Variants in DCC observed in about 807,000 individuals in gnomAD.
DCC encodes DCC netrin 1 receptor.
Under a neutral mutation model 172.5 loss-of-function variants are expected in DCC, and 58 were observed. The observed-to-expected ratio is 0.34, with a 90% confidence interval of 0.27 to 0.42. The LOEUF is 0.42. Among genes scored for constraint, DCC ranks in the 10% least tolerant of loss-of-function variants. The probability of loss-of-function intolerance (pLI) is 1.00; values close to 1 mark genes in which losing one functional copy is unlikely to be tolerated. For missense variants in DCC, 1,740 were observed against 1,791.0 expected (o/e 0.97, Z 0.51); for synonymous variants, 709 against 644.5 (o/e 1.10, Z -1.52).
intron 5 of DCC, among the ~76,000 whole-genome samples, chr18:53,056,261 A>C (rs900827242): frequency 6.6e-6 from 1 of 152,112 alleles, no homozygotes; most frequent in Non-Finnish European, 1.5e-5. Flanking sequence ...GTTTAAAACC[A>C]TCAGCTCTCC....
At chr18:52,388,572 G>A (rs1985908986) in intron 1 of DCC, among the ~76,000 whole-genome samples, 4 of 150,510 alleles carry the variant, frequency 2.7e-5, no homozygotes, top group Non-Finnish European at 1.5e-5. Context: ...CTTTTAGAAT[G>A]TGTAGGGGAA....
At chr18:53,353,749 A>G (rs1162554228) in intron 15 of DCC, among the ~76,000 whole-genome samples, 1 of 152,198 alleles carries the variant, frequency 6.6e-6, no homozygotes, top group Non-Finnish European at 1.5e-5. Flanking sequence ...TGTTTCCAAC[A>G]AAACTATTGC....
chr18:53,278,924 C>G (rs954136903), intron 12 of DCC, among the ~76,000 whole-genome samples: 2 of 152,140 alleles, frequency 1.3e-5, no homozygotes, highest in Non-Finnish European at 2.9e-5. Context: ...TGGGTATATA[C>G]CCAGTAATGG....
intron 14 of DCC, among the ~76,000 whole-genome samples, chr18:53,333,996 C>T (rs1022199919): frequency 1.3e-5 from 2 of 152,180 alleles, no homozygotes; most frequent in African/African-American, 4.8e-5. Flanking sequence ...CATCAACCAA[C>T]AGTTACCAAG....
At chr18:53,301,127 T>C (rs2057135962) in intron 12 of DCC, among the ~76,000 whole-genome samples, 1 of 151,394 alleles carries the variant, frequency 6.6e-6, no homozygotes, top group African/African-American at 2.4e-5. Flanking sequence ...TTTGCTCTTG[T>C]TGCCCAGGCT....
intron 3 of DCC, among the ~76,000 whole-genome samples, chr18:52,915,524 C>A (rs1195884334): frequency 6.6e-6 from 1 of 152,132 alleles, no homozygotes; most frequent in East Asian, 1.9e-4. Context: ...AGGAAATATT[C>A]TCTTCCTTTA....
intron 12 of DCC, among the ~76,000 whole-genome samples, chr18:53,274,664 C>T (rs879816271): frequency 6.6e-6 from 1 of 152,090 alleles, no homozygotes; most frequent in Admixed American, 6.6e-5. Flanking sequence ...TTGAAAATCC[C>T]AGTTGAACAC....
At chr18:53,260,647 G>C (rs370772048) in intron 12 of DCC, among the ~76,000 whole-genome samples, 1 of 152,172 alleles carries the variant, frequency 6.6e-6, no homozygotes, top group Non-Finnish European at 1.5e-5. Context: ...CTACTCGGGG[G>C]TCAGGGACCC....
chr18:52,367,434 G>T (rs1415547504), intron 1 of DCC, among the ~76,000 whole-genome samples: 1 of 152,212 alleles, frequency 6.6e-6, no homozygotes. Flanking sequence ...GCAAGCGAGG[G>T]CTCTGAGGAC....
intron 2 of DCC, among the ~76,000 whole-genome samples, chr18:52,901,097 G>A (rs1598912125): frequency 1.3e-5 from 2 of 152,068 alleles, no homozygotes; most frequent in Non-Finnish European, 2.9e-5. Flanking sequence ...GGGAAATAAG[G>A]TATTTTAAGA....
intron 25 of DCC, among the ~76,000 whole-genome samples, chr18:53,474,177 G>A (rs2045733204): frequency 6.6e-6 from 1 of 151,958 alleles, no homozygotes; most frequent in South Asian, 2.1e-4. Flanking sequence ...TAAAATATTA[G>A]TCAACAGGTG....
chr18:53,137,350 T>C (rs1428969728), intron 7 of DCC, among the ~76,000 whole-genome samples: 1 of 152,198 alleles, frequency 6.6e-6, no homozygotes, highest in Admixed American at 6.5e-5. Flanking sequence ...GAGTTCCCCA[T>C]GTCCTTGCTG....
At chr18:53,318,071 T>C (rs2057363607) in intron 13 of DCC, among the ~76,000 whole-genome samples, 1 of 152,188 alleles carries the variant, frequency 6.6e-6, no homozygotes, top group African/African-American at 2.4e-5. Flanking sequence ...CATTGTGATA[T>C]TAGGGTGTCG....
chr18:53,177,157 T>C (rs375685155), intron 8 of DCC, among the ~76,000 whole-genome samples: 3 of 148,862 alleles, frequency 2.0e-5, no homozygotes, highest in South Asian at 2.2e-4. Flanking sequence ...GGAAGGGGAA[T>C]ATCACACTCT....
At chr18:53,198,864 G>T (rs2055490515) in intron 9 of DCC, among the ~76,000 whole-genome samples, 1 of 152,104 alleles carries the variant, frequency 6.6e-6, no homozygotes, top group African/African-American at 2.4e-5. Flanking sequence ...TAACTTGAAT[G>T]GAGATGGGGA....
chr18:52,719,312 T>G (rs1332371697), intron 1 of DCC, among the ~76,000 whole-genome samples: 1 of 151,958 alleles, frequency 6.6e-6, no homozygotes, highest in Non-Finnish European at 1.5e-5. Context: ...ATTCAAACTA[T>G]TGCCAACACC....
intron 1 of DCC, among the ~76,000 whole-genome samples, chr18:52,705,401 A>T (rs1676010212): frequency 6.6e-6 from 1 of 152,166 alleles, no homozygotes; most frequent in South Asian, 2.1e-4. Context: ...CTATGTTTGA[A>T]AGGAAGCCAA....
chr18:53,511,501 G>A (rs189131795), intron 27 of DCC, among the ~76,000 whole-genome samples: 5 of 152,354 alleles, frequency 3.3e-5, no homozygotes, highest in South Asian at 2.1e-4. Context: ...AGCTCCCAGC[G>A]TGAGAGACGC....
In DCC at chr18:52,830,768, C is replaced by A. The variant is rs149530443; in HGVS notation, c.413-75276C>A. On this transcript the variant is annotated intron_variant, in intron 2 of 28. Transcript: ENST00000442544. ...AACCTCTTTTATCTACCTTCATAGA[C>A]CTAGGGTAATCCATTTCCATTAAAT... 3.2e-4 allele frequency among the ~76,000 whole-genome samples: 49 copies of A among 152,210 alleles called. 1 individual carries two copies. The highest frequency in any genetic ancestry group is 5.6e-4 in the Non-Finnish European group (38 of 68,032).
Sources: gnomAD v4.1 joint callset for allele counts (sites outside exome capture counted in the v4.1 genomes callset) on GRCh38, gnomAD v4.1.1 for gene constraint, MANE v1.5 for transcripts, NCBI Gene and HGNC (gene_info 2026-07-23, HGNC 2026-07-21) for gene names.